MPPED2: variants seen among roughly 807,000 people sequenced by gnomAD.
MPPED2 encodes the protein metallophosphoesterase domain containing 2, also known as metallophosphoesterase MPPED2.
A neutral mutation model predicts 33.0 loss-of-function variants in MPPED2; 5 were observed. The observed-to-expected ratio is 0.15, with a 90% CI of 0.08 to 0.32. The LOEUF (loss-of-function observed/expected upper bound fraction) is 0.32. Among genes scored for constraint, MPPED2 ranks in the 10% least tolerant of loss-of-function variants. The pLI, the probability that MPPED2 is intolerant of heterozygous loss-of-function variation, is 1.00. For synonymous variants in MPPED2, 136 were observed against 141.9 expected (o/e 0.96, Z 0.29); for missense variants, 275 against 372.1 (o/e 0.74, Z 2.15).
At chr11:30,411,975 G>T (rs551653860) in intron 6 of MPPED2, among the ~76,000 whole-genome samples, 1 of 151,882 alleles carries the variant, frequency 6.6e-6, no homozygotes. Flanking sequence ...TTACTCCTCA[G>T]GGGCAAACAC....
At chr11:30,529,309 T>C (rs1040671856) in intron 3 of MPPED2, among the ~76,000 whole-genome samples, 4 of 152,182 alleles carry the variant, frequency 2.6e-5, no homozygotes, top group African/African-American at 9.7e-5. Context: ...TTTGGAAATA[T>C]AATTATGGAG....
chr11:30,468,010 G>A (rs1003111868), intron 4 of MPPED2, among the ~76,000 whole-genome samples: 2 of 52,948 alleles, frequency 3.8e-5, no homozygotes. Flanking sequence ...TCTCCCCAGA[G>A]GCCCCCCGAT....
At chr11:30,506,934 C>T (rs543544683) in intron 3 of MPPED2, among the ~76,000 whole-genome samples, 9 of 152,262 alleles carry the variant, frequency 5.9e-5, no homozygotes, top group East Asian at 3.9e-4. Flanking sequence ...GCGTTAACAG[C>T]GCCACTGGGG....
At chr11:30,513,465 G>T (rs751043929) in intron 3 of MPPED2, among the ~76,000 whole-genome samples, 3 of 152,172 alleles carry the variant, frequency 2.0e-5, no homozygotes, top group Non-Finnish European at 4.4e-5. Flanking sequence ...CAGATAATTA[G>T]CTTGAATTGT....
intron 3 of MPPED2, among the ~76,000 whole-genome samples, chr11:30,512,146 T>C (rs1338834685): frequency 2.0e-5 from 3 of 152,166 alleles, no homozygotes; most frequent in Non-Finnish European, 4.4e-5. Context: ...GAGAACTCTA[T>C]TGTCATTGGG....
intron 4 of MPPED2, among the ~76,000 whole-genome samples, chr11:30,421,593 T>C (rs1454871678): frequency 6.6e-6 from 1 of 152,208 alleles, no homozygotes; most frequent in Non-Finnish European, 1.5e-5. Context: ...GCTCTATTTT[T>C]AGTTAAAAAC....
intron 4 of MPPED2, among the ~76,000 whole-genome samples, chr11:30,463,080 C>T (rs1359560883): frequency 1.3e-5 from 2 of 152,154 alleles, no homozygotes; most frequent in African/African-American, 4.8e-5. Context: ...AAATGGTAAA[C>T]TTACAACAGG....
At chr11:30,429,537 C>A (rs1190782359) in intron 4 of MPPED2, among the ~76,000 whole-genome samples, 9 of 152,182 alleles carry the variant, frequency 5.9e-5, no homozygotes, top group African/African-American at 2.2e-4. Flanking sequence ...TTAAAGCAAG[C>A]ACACAGACCC....
intron 2 of MPPED2, among the ~76,000 whole-genome samples, chr11:30,545,914 G>A (rs1192040082): frequency 1.3e-5 from 2 of 152,148 alleles, no homozygotes; most frequent in African/African-American, 4.8e-5. Flanking sequence ...CCCAGGTAGA[G>A]TGCAGTGGCA....
intron 4 of MPPED2, among the ~76,000 whole-genome samples, chr11:30,470,843 C>T (rs1164287084): frequency 1.3e-5 from 2 of 152,170 alleles, no homozygotes; most frequent in African/African-American, 4.8e-5. Flanking sequence ...TTCTTTCCCA[C>T]CTCCTCTGCC....
At chr11:30,547,546 G>A (rs1337429820) in intron 2 of MPPED2, among the ~76,000 whole-genome samples, 1 of 152,142 alleles carries the variant, frequency 6.6e-6, no homozygotes, top group Non-Finnish European at 1.5e-5. Flanking sequence ...TCTGGATTCT[G>A]GCCTATCTAA....
chr11:30,518,937 T>C (rs556486699), intron 3 of MPPED2, among the ~76,000 whole-genome samples: 1 of 152,310 alleles, frequency 6.6e-6, no homozygotes, highest in South Asian at 2.1e-4. Flanking sequence ...CTCACTTTCA[T>C]AGTATTAAAT....
At chr11:30,501,321 T>C (rs1271510485) in intron 3 of MPPED2, among the ~76,000 whole-genome samples, 1 of 152,244 alleles carries the variant, frequency 6.6e-6, no homozygotes, top group Non-Finnish European at 1.5e-5. Context: ...ATTTTTCTCA[T>C]GGCAGAAACT....
chr11:30,585,313 G>T (rs1653212051), intron 1 of MPPED2, among the ~76,000 whole-genome samples: 1 of 152,048 alleles, frequency 6.6e-6, no homozygotes, highest in Admixed American at 6.5e-5. Flanking sequence ...CGGAGACCCA[G>T]GCAGCGGCGG....
rs1554919022 is a variant in MPPED2, at chr11:30,583,134, C to CTTTTTTTCTTTTTTTTTTTTTTTT, written c.-121-2641_-121-2640insAAAAAAAAAAAAAAAAGAAAAAAA. Among the ~76,000 whole-genome samples the CTTTTTTTCTTTTTTTTTTTTTTTT allele has an allele frequency of 1.9e-3, 181 of 96,644 alleles. 13 individuals carry two copies. The highest frequency in any genetic ancestry group is 2.9e-3 in the Non-Finnish European group (146 of 50,492). 63.4% of individuals were successfully genotyped at this position (96,644 alleles called of 152,430 possible). A position where few individuals can be genotyped will look rare whatever the true frequency, so the allele number is the denominator to read the frequency against. ...CACAAACACCTGGAAAAGACTTTTT[C>CTTTTTTTCTTTTTTTTTTTTTTTT]TTTTTTTTTTTTTTTTTTTTTTTTT... On this transcript the variant is annotated intron_variant, in intron 1 of 6. Coordinates refer to ENST00000358117, the MANE Select transcript of MPPED2 (RefSeq NM_001584.3).
intron 4 of MPPED2, among the ~76,000 whole-genome samples, chr11:30,489,747 C>G (rs1951891464): frequency 6.6e-6 from 1 of 152,134 alleles, no homozygotes; most frequent in Non-Finnish European, 1.5e-5. Flanking sequence ...TTGGAAAGCC[C>G]CACTCATATT....
intron 4 of MPPED2, among the ~76,000 whole-genome samples, chr11:30,474,428 T>C (rs1352985740): frequency 6.6e-6 from 1 of 152,172 alleles, no homozygotes; most frequent in Non-Finnish European, 1.5e-5. Flanking sequence ...ATTCTGGTAA[T>C]AGCACACCAA....
chr11:30,570,471 G>A (rs182690525), intron 2 of MPPED2, among the ~76,000 whole-genome samples: 6 of 152,152 alleles, frequency 3.9e-5, no homozygotes, highest in Admixed American at 3.9e-4. Flanking sequence ...AACATAGAAT[G>A]TATTAAATAA....
At chr11:30,454,062 A>G (rs1950176724) in intron 4 of MPPED2, among the ~76,000 whole-genome samples, 1 of 152,168 alleles carries the variant, frequency 6.6e-6, no homozygotes, top group Non-Finnish European at 1.5e-5. Context: ...CTGAGCAAAC[A>G]ACAACTTCCT....
Sources: allele counts gnomAD v4.1 joint callset (sites outside exome capture counted in the v4.1 genomes callset), GRCh38; gene constraint gnomAD v4.1.1; transcripts MANE v1.5; gene names NCBI Gene and HGNC (gene_info 2026-07-23, HGNC 2026-07-21).